CTNNA2: variants seen among roughly 807,000 people sequenced by gnomAD.
CTNNA2 encodes catenin alpha 2, also known as catenin alpha-2.
In CTNNA2, 42 loss-of-function variants were observed where a neutral mutation model predicts 101.0. The observed-to-expected ratio is 0.42, with a 90% CI of 0.32 to 0.54. CTNNA2 has a LOEUF of 0.54. Ranked by LOEUF, CTNNA2 falls within the 20% of genes least tolerant of loss-of-function variation. The pLI, the probability that CTNNA2 is intolerant of heterozygous loss-of-function variation, is 0.14. For missense variants in CTNNA2, 871 were observed against 1,223.1 expected, an observed-to-expected ratio of 0.71 and a Z score of 4.29; for synonymous variants, 450 against 456.4, an observed-to-expected ratio of 0.99 and a Z score of 0.18.
At chr2:80,250,611 C>T (rs924578816) in intron 7 of CTNNA2, among the ~76,000 whole-genome samples, 2 of 152,088 alleles carry the variant, frequency 1.3e-5, no homozygotes, top group African/African-American at 4.8e-5. Context: ...GGAGACTGCC[C>T]TCTGGATCTG....
At position 79,458,984 on chromosome 2, in the gene CTNNA2, GA is replaced by G. The variant is rs1670851638; in HGVS notation, c.-134-46063del. Among the ~76,000 whole-genome samples the G allele has an allele frequency of 2.6e-5, 4 of 151,812 alleles. No individual in the cohort carries two copies. The South Asian group carries it at 6.2e-4, about 24-fold the overall frequency. On this transcript the variant is annotated intron_variant, in intron 4 of 21. Transcript: ENST00000466387. The stretch of plus-strand genomic sequence containing the variant: ...TCCTGACACTCCAATTCTTTCCCAT[GA>G]AAAAAAGAAATGGATAAAACGATTG...
At chr2:79,335,173 A>G (rs983136427) in intron 3 of CTNNA2, among the ~76,000 whole-genome samples, 4 of 152,076 alleles carry the variant, frequency 2.6e-5, no homozygotes, top group Non-Finnish European at 5.9e-5. Context: ...ACTCCACTTC[A>G]TCTCATTTCC....
At chr2:80,125,966 A>G (rs1702085790) in intron 7 of CTNNA2, among the ~76,000 whole-genome samples, 1 of 152,208 alleles carries the variant, frequency 6.6e-6, no homozygotes. Flanking sequence ...AATAAAAGCA[A>G]TAATGATTGG....
intron 3 of CTNNA2, among the ~76,000 whole-genome samples, chr2:79,366,388 T>A (rs772380886): frequency 6.6e-6 from 1 of 152,372 alleles, no homozygotes; most frequent in Non-Finnish European, 1.5e-5. Flanking sequence ...AACAATGACC[T>A]ATTTTTCTGT....
At chr2:80,601,417 C>CTTT (rs375645223) in intron 15 of CTNNA2, among the ~76,000 whole-genome samples, 1,723 of 93,810 alleles carry the variant, frequency 0.018, 82 homozygotes, top group African/African-American at 0.064. Flanking sequence ...TTCTTTCTTT[C>CTTT]TTTCTTTTTT....
At chr2:79,655,353 A>G (rs1369343957) in intron 2 of CTNNA2, among the ~76,000 whole-genome samples, 4 of 152,200 alleles carry the variant, frequency 2.6e-5, no homozygotes, top group Non-Finnish European at 5.9e-5. Flanking sequence ...TGATGGCTAT[A>G]TATTCAGGCT....
At chr2:79,556,094 A>G (rs1158713820) in intron 1 of CTNNA2, among the ~76,000 whole-genome samples, 1 of 152,088 alleles carries the variant, frequency 6.6e-6, no homozygotes, top group Non-Finnish European at 1.5e-5. Flanking sequence ...TGAGTAATAT[A>G]TCCTCCTCCA....
intron 4 of CTNNA2, among the ~76,000 whole-genome samples, chr2:79,454,948 A>G (rs1045619960): frequency 1.3e-5 from 2 of 152,184 alleles, no homozygotes; most frequent in African/African-American, 4.8e-5. Context: ...AAGACAGTGC[A>G]GGGGCAAAGA....
intron 7 of CTNNA2, among the ~76,000 whole-genome samples, chr2:80,043,026 T>TCC (rs1696183186): frequency 3.8e-5 from 2 of 52,718 alleles, no homozygotes; most frequent in South Asian, 4.8e-4. Context: ...TCCCTTTCTT[T>TCC]CTTTCTTTCT....
At chr2:79,719,972 C>T (rs1686371418) in intron 2 of CTNNA2, among the ~76,000 whole-genome samples, 1 of 152,024 alleles carries the variant, frequency 6.6e-6, no homozygotes, top group African/African-American at 2.4e-5. Flanking sequence ...TTGCCAAGGC[C>T]AATGTTGAGA....
chr2:79,860,278 T>A (rs1448791291), intron 4 of CTNNA2, among the ~76,000 whole-genome samples: 1 of 152,110 alleles, frequency 6.6e-6, no homozygotes, highest in South Asian at 2.1e-4. Context: ...ATCTCATATG[T>A]CATTGTTTGC....
intron 7 of CTNNA2, among the ~76,000 whole-genome samples, chr2:79,968,973 C>T (rs950245881): frequency 2.6e-5 from 4 of 151,900 alleles, no homozygotes; most frequent in African/African-American, 7.3e-5. Flanking sequence ...TCTTAATAGC[C>T]CTATGAGACA....
chr2:80,164,310 T>A (rs1338885450), intron 7 of CTNNA2, among the ~76,000 whole-genome samples: 1 of 152,016 alleles, frequency 6.6e-6, no homozygotes, highest in East Asian at 1.9e-4. Context: ...CTATAATATA[T>A]CTCTTGGCAT....
At chr2:79,370,646 G>A (rs1677849431) in intron 3 of CTNNA2, among the ~76,000 whole-genome samples, 1 of 150,854 alleles carries the variant, frequency 6.6e-6, no homozygotes, top group Non-Finnish European at 1.5e-5. Context: ...TTTTTCTGAG[G>A]CATAGAACCC....
intron 4 of CTNNA2, among the ~76,000 whole-genome samples, chr2:79,410,741 G>A: frequency 6.8e-6 from 1 of 148,144 alleles, no homozygotes. Flanking sequence ...TGTTCATCAA[G>A]GATATTGGTC....
chr2:79,412,428 T>C (rs1402548719), intron 4 of CTNNA2, among the ~76,000 whole-genome samples: 1 of 151,872 alleles, frequency 6.6e-6, no homozygotes, highest in Admixed American at 6.6e-5. Flanking sequence ...CCACCCCAAA[T>C]CAACAGAGTA....
chr2:79,280,762 T>C (rs1165597937), intron 2 of CTNNA2, among the ~76,000 whole-genome samples: 1 of 151,706 alleles, frequency 6.6e-6, no homozygotes, highest in Non-Finnish European at 1.5e-5. Context: ...TGCAGCTCTT[T>C]CTGGAGGACC....
chr2:80,134,007 C>T (rs1376528031), intron 7 of CTNNA2, among the ~76,000 whole-genome samples: 1 of 152,140 alleles, frequency 6.6e-6, no homozygotes, highest in Non-Finnish European at 1.5e-5. Flanking sequence ...AGATAATGCA[C>T]TCAGAGTACG....
At chr2:79,386,139 C>A (rs1573140790) in intron 4 of CTNNA2, among the ~76,000 whole-genome samples, 1 of 152,168 alleles carries the variant, frequency 6.6e-6, no homozygotes, top group African/African-American at 2.4e-5. Flanking sequence ...CTAATTTACA[C>A]TCCCACTAAG....
Sources: allele counts gnomAD v4.1 joint callset (sites outside exome capture counted in the v4.1 genomes callset), GRCh38; gene constraint gnomAD v4.1.1; transcripts MANE v1.5; gene names NCBI Gene and HGNC (gene_info 2026-07-23, HGNC 2026-07-21).